The following EPSTI1 variants were observed in gnomAD, a reference collection of about 807,000 sequenced individuals.
EPSTI1 encodes the protein epithelial-stromal interaction protein 1.
EPSTI1 carries 66 observed loss-of-function variants against 49.9 expected under a neutral mutation model. The observed-to-expected ratio is 1.32, with a 90% CI of 1.08 to 1.62. EPSTI1 has a LOEUF of 1.62. Among genes scored for constraint, EPSTI1 ranks in the 40% most tolerant of loss-of-function variants. The pLI is 0.00. For missense variants in EPSTI1, 394 were observed against 365.5 expected, an observed-to-expected ratio of 1.08 and a Z score of -0.64; for synonymous variants, 137 against 130.7, an observed-to-expected ratio of 1.05 and a Z score of -0.33.
At chr13:42,930,296 A>ACATG (rs565498310) in intron 6 of EPSTI1, among the ~76,000 whole-genome samples, 2 of 152,360 alleles carry the variant, frequency 1.3e-5, no homozygotes, top group African/African-American at 2.4e-5. Flanking sequence ...AATCATTCGT[A>ACATG]CATGCATGCA....
chr13:42,924,343 T>C (rs1027426910), intron 7 of EPSTI1, among the ~76,000 whole-genome samples: 3 of 152,200 alleles, frequency 2.0e-5, no homozygotes, highest in Non-Finnish European at 2.9e-5. Flanking sequence ...CTATGACAAA[T>C]GCACTAATCA....
Position 42,992,212 on chromosome 13 carries a change from G to A in EPSTI1, c.-47C>T, listed in dbSNP as rs2040211520. On this transcript the variant is annotated 5_prime_UTR_variant, in exon 1 of 11. Coordinates refer to ENST00000313624, the MANE Select transcript of EPSTI1 (RefSeq NM_033255.5). ...GGGCCGCCGTCGCTGCGGGAGGGAT[G>A]CGGCTGGGACGCTTAGCGAGTCTCA... 1 of 1,490,174 alleles carries A rather than the reference G, an allele frequency of 6.7e-7. No individual in the cohort carries two copies. The highest frequency in any genetic ancestry group is 8.9e-7 in the Non-Finnish European group (1 of 1,119,034). 92.3% of individuals were successfully genotyped at this position (1,490,174 alleles called of 1,614,324 possible).
intron 6 of EPSTI1, among the ~76,000 whole-genome samples, chr13:42,935,092 A>G (rs1417384662): frequency 6.6e-6 from 1 of 152,178 alleles, no homozygotes; most frequent in Non-Finnish European, 1.5e-5. Context: ...TACCCTGGAC[A>G]TTGTTGTCAT....
intron 6 of EPSTI1, among the ~76,000 whole-genome samples, chr13:42,931,315 C>T (rs933971158): frequency 6.6e-6 from 1 of 151,474 alleles, no homozygotes; most frequent in African/African-American, 2.4e-5. Context: ...ACGCCATTCT[C>T]CTGCCTCAGC....
intron 8 of EPSTI1, among the ~76,000 whole-genome samples, chr13:42,910,251 C>T (rs979000901): frequency 7.2e-6 from 1 of 138,378 alleles, no homozygotes; most frequent in Non-Finnish European, 1.5e-5. Flanking sequence ...TATTTTTTAA[C>T]CAAATCTTTT....
chr13:42,968,917 A>C (rs573190216), intron 3 of EPSTI1, among the ~76,000 whole-genome samples, 177 bp downstream of exon 3: 3,309 of 66,108 alleles, frequency 0.05, 148 homozygotes, highest in African/African-American at 0.17. Flanking sequence ...GAAAAAAAAA[A>C]AAATACACAC....
chr13:42,959,757 A>G (rs951615879), intron 5 of EPSTI1, among the ~76,000 whole-genome samples: 2 of 152,212 alleles, frequency 1.3e-5, no homozygotes, highest in African/African-American at 4.8e-5. Context: ...GGTTTCCTGA[A>G]TTCTCTGAGG....
chr13:42,985,040 AG>A (rs1566182651), intron 1 of EPSTI1, among the ~76,000 whole-genome samples: 1 of 152,294 alleles, frequency 6.6e-6, no homozygotes, highest in Non-Finnish European at 1.5e-5. Context: ...GAGATGGATA[AG>A]GGGGAATGCT....
At chr13:42,924,712 G>A (rs959564225) in intron 7 of EPSTI1, among the ~76,000 whole-genome samples, 4 of 152,194 alleles carry the variant, frequency 2.6e-5, no homozygotes, top group Non-Finnish European at 5.9e-5. Flanking sequence ...GAAGAGAGAT[G>A]ATGAATTTCC....
chr13:42,987,899 G>C (rs1041876360), intron 1 of EPSTI1, among the ~76,000 whole-genome samples: 1 of 152,070 alleles, frequency 6.6e-6, no homozygotes, highest in Admixed American at 6.5e-5. Context: ...TAGCTACTAC[G>C]TAAGTGCTAT....
Position 42,954,541 on chromosome 13 carries a change from A to G in EPSTI1, c.490-520T>C, listed in dbSNP as rs180676503. Among the ~76,000 whole-genome samples the G allele has an allele frequency of 1.4e-4, 21 of 151,870 alleles. No individual in the cohort carries two copies. In the East Asian group the frequency reaches 4.1e-3, roughly 29 times the overall value. ...AGGGACTGAATAGCACATGTCATAAAAAAAGCCATCCACTTGAATAGAAAA... is the reference window on the plus strand; with the variant it reads ...AGGGACTGAATAGCACATGTCATAAGAAAAGCCATCCACTTGAATAGAAAA... On this transcript the variant is annotated intron_variant, in intron 5 of 10. Transcript: ENST00000313624.
intron 5 of EPSTI1, among the ~76,000 whole-genome samples, chr13:42,960,260 T>A (rs2039407479): frequency 6.6e-6 from 1 of 152,240 alleles, no homozygotes; most frequent in Admixed American, 6.5e-5. Context: ...TTTCATATTT[T>A]AGGTTTGTGG....
chr13:42,958,373 C>A (rs747591653), intron 5 of EPSTI1, among the ~76,000 whole-genome samples: 25 of 151,826 alleles, frequency 1.6e-4, no homozygotes, highest in Non-Finnish European at 3.1e-4. Context: ...TGAAAGCAGA[C>A]CACTATATGG....
intron 7 of EPSTI1, among the ~76,000 whole-genome samples, chr13:42,920,425 A>G (rs1464511502): frequency 6.6e-6 from 1 of 152,222 alleles, no homozygotes; most frequent in Admixed American, 6.5e-5. Flanking sequence ...TTACAGAGGA[A>G]AAGAGCAAAC....
intron 7 of EPSTI1, among the ~76,000 whole-genome samples, chr13:42,918,028 G>A (rs115762710): frequency 3.3e-5 from 5 of 152,208 alleles, no homozygotes; most frequent in South Asian, 2.1e-4. Flanking sequence ...TTAGAAGAAC[G>A]GGCATGTCTA....
intron 1 of EPSTI1, among the ~76,000 whole-genome samples, chr13:42,981,247 T>C (rs1048549587): frequency 1.3e-5 from 2 of 152,216 alleles, no homozygotes; most frequent in African/African-American, 4.8e-5. Context: ...CTTAAGCTTT[T>C]GTTTCAGATT....
At chr13:42,972,098 C>T (rs1329410694) in intron 1 of EPSTI1, among the ~76,000 whole-genome samples, 3 of 152,168 alleles carry the variant, frequency 2.0e-5, no homozygotes, top group Non-Finnish European at 2.9e-5. Flanking sequence ...AATGGTGAGC[C>T]ATGCTACAGA....
rs2038018656 is a variant in EPSTI1, at chr13:42,922,105, C to T, written c.657+4231G>A. ...GTATATAGTCATAATAGGGAAAGCTCAAATTACTGAATAATTATAAGAATG... is the reference window on the plus strand; with the variant it reads ...GTATATAGTCATAATAGGGAAAGCTTAAATTACTGAATAATTATAAGAATG... On this transcript the variant is annotated intron_variant, in intron 7 of 10. Transcript: ENST00000313624. The surrounding 1 kb of genome is among the most constrained non-coding windows in gnomAD (Gnocchi z 4.8). Among the ~76,000 whole-genome samples the T allele has an allele frequency of 1.3e-5, 2 of 152,108 alleles. No homozygotes were observed. Among genetic ancestry groups the T allele is most frequent in the Admixed American group, 1.3e-4 (2 of 15,272 alleles).
chr13:42,987,037 T>C (rs542247406), intron 1 of EPSTI1, among the ~76,000 whole-genome samples: 12 of 152,294 alleles, frequency 7.9e-5, no homozygotes, highest in African/African-American at 2.9e-4. Context: ...GTATCCTTTA[T>C]GATAAACCTG....
Sources: allele counts gnomAD v4.1 joint callset (sites outside exome capture counted in the v4.1 genomes callset), GRCh38; gene constraint gnomAD v4.1.1; non-coding constraint Gnocchi (gnomAD v3.1); transcripts MANE v1.5; gene names NCBI Gene and HGNC (gene_info 2026-07-23, HGNC 2026-07-21).